Variants in PCDHGA6 observed in about 807,000 individuals in gnomAD.
PCDHGA6 encodes the protein protocadherin gamma subfamily A, 6, also known as protocadherin gamma-A6.
A neutral mutation model predicts 60.6 loss-of-function variants in PCDHGA6; 41 were observed. The ratio of observed to expected loss-of-function variants is 0.68; its 90% CI spans 0.53 to 0.88. The LOEUF is 0.88. PCDHGA6 is among the 40% of genes least tolerant of loss of function. The pLI, the probability that PCDHGA6 is intolerant of heterozygous loss-of-function variation, is 0.00. For missense variants in PCDHGA6, 1,312 were observed against 1,203.0 expected (o/e 1.09, Z -1.34); for synonymous variants, 594 against 524.4 (o/e 1.13, Z -1.81).
chr5:141,405,529 C>G, intron 1 of PCDHGA6: 1 of 654,350 alleles, frequency 1.5e-6, no homozygotes, highest in Middle Eastern at 4.2e-4. Flanking sequence ...AAGCGATTCT[C>G]CTGCCTCAGC....
chr5:141,375,521 GACGTGGACCAGA>G lies in PCDHGA6; in HGVS notation c.1442_1453del (p.Val481_Asn484del). The stretch of plus-strand genomic sequence containing the variant: ...CTTCTCTGTGAATGCACTGGACCCT[GACGTGGACCAGA>G]ACGCCCAAGTCTCCTACTCACTGGC... On this transcript the variant is annotated inframe_deletion, in exon 1 of 4. Coordinates refer to ENST00000517434, the MANE Select transcript of PCDHGA6 (RefSeq NM_018919.3). The G allele has an allele frequency of 6.2e-7, 1 of 1,613,994 alleles. No homozygotes were observed. Among genetic ancestry groups the G allele is most frequent in the Non-Finnish European group, 8.5e-7 (1 of 1,179,930 alleles).
chr5:141,431,506 G>T lies in PCDHGA6; in HGVS notation c.2424+54999G>T. 1.2e-6 allele frequency: 2 copies of T among 1,613,988 alleles called. No homozygotes were observed. Among genetic ancestry groups the T allele is most frequent in the South Asian group, 2.2e-5 (2 of 91,084 alleles). The stretch of plus-strand genomic sequence containing the variant: ...CGTTTGCTCAGCCCGAGTACCGCGC[G>T]AGCGTTCCGGAGAATCTGGCCTTGG... On this transcript the variant is annotated intron_variant, in intron 1 of 3. Coordinates refer to ENST00000517434, the MANE Select transcript of PCDHGA6 (RefSeq NM_018919.3). This position sits in a 1 kb window ranked among gnomAD's most constrained non-coding sequence, Gnocchi z 4.8.
In PCDHGA6 at chr5:141,376,178, G is replaced by A. The variant is rs1249141559; in HGVS notation, c.2095G>A (p.Ala699Thr). Residue 699 changes from alanine to threonine, a missense_variant, in exon 1 of 4, where the codon GCG becomes ACG. By Grantham distance (58) the Ala-to-Thr change is moderately conservative. Coordinates refer to ENST00000517434, the MANE Select transcript of PCDHGA6 (RefSeq NM_018919.3). ...TCTGTACCTGGTGGTGGCGGTGGCC[G>A]CGGTCTCCTGCGTCTTCCTGGCCTT... ...LTLYLVVAVA[A>T]VSCVFLAFVI... The A allele has an allele frequency of 6.2e-7, 1 of 1,614,106 alleles. No individual in the cohort carries two copies. The highest frequency in any genetic ancestry group is 8.5e-7 in the Non-Finnish European group (1 of 1,180,008).
At position 141,398,835 on chromosome 5, in the gene PCDHGA6, T is replaced by C. The variant is rs371527677; in HGVS notation, c.2424+22328T>C. The C allele has an allele frequency of 2.0e-5, 33 of 1,613,914 alleles. No homozygotes were observed. In the African/African-American group the frequency reaches 3.7e-4, roughly 18 times the overall value. ...TCCGGATCCAGGTAACCGACGCCAA[T>C]GATAATCCCCCGGTATTCAACCGAG... On this transcript the variant is annotated intron_variant, in intron 1 of 3. Transcript: ENST00000517434.
rs756094875 is a variant in PCDHGA6 at position 141,419,594 on chromosome 5, C to T, written c.2424+43087C>T. 2.6e-5 allele frequency: 42 copies of T among 1,611,572 alleles called. No homozygotes were observed. Among genetic ancestry groups the T allele is most frequent in the Admixed American group, 3.3e-5 (2 of 59,964 alleles). ...CGGCTCCGCGCTCTTCGACACAGTG[C>T]CGCGGGCCGCGCAGCCAGGCTACCT... On this transcript the variant is annotated intron_variant, in intron 1 of 3. Transcript: ENST00000517434.
At chr5:141,433,849 A>AC (rs1304649814) in intron 1 of PCDHGA6, among the ~76,000 whole-genome samples, 10 of 152,030 alleles carry the variant, frequency 6.6e-5, no homozygotes, top group Admixed American at 1.3e-4. Flanking sequence ...AAAAAAAAAA[A>AC]AAAAAACTTT....
rs140088812 is a variant in PCDHGA6, at chr5:141,489,695, T to C, written c.2425-5112T>C. The C allele has an allele frequency of 6.2e-7, 1 of 1,614,088 alleles. No homozygotes were observed. The highest frequency in any genetic ancestry group is 1.3e-5 in the African/African-American group (1 of 75,026). On this transcript the variant is annotated intron_variant, in intron 1 of 3. Transcript: ENST00000517434. This position sits in a 1 kb window ranked among gnomAD's most constrained non-coding sequence, Gnocchi z 4.5. ...GAATCAGCAGCATCTGGGGCACGAT[T>C]CCCACTGGACAGTGCCCAGGATCCG...
intron 1 of PCDHGA6, among the ~76,000 whole-genome samples, chr5:141,472,980 C>CA (rs60579131): frequency 0.042 from 3,623 of 85,966 alleles, 71 homozygotes; most frequent in South Asian, 0.079. Context: ...GAGTGAAACT[C>CA]AAAAAAAAAA....
rs770808281 is a variant in PCDHGA6, at chr5:141,375,056, C to T, written c.973C>T (p.Pro325Ser). The T allele has an allele frequency of 1.9e-6, 3 of 1,613,848 alleles. No individual in the cohort carries two copies. The East Asian group carries it at 6.7e-5, about 36-fold the overall frequency. Residue 325 changes from proline to serine, a missense_variant, in exon 1 of 4, where the codon CCA becomes TCA. Transcript: ENST00000517434. ...GCTGGGTGTTGAAGCCCGGGATGGG[C>T]CAGGTCTTCGAGACAGAGCGAAAGT... ...YELGVEARDG[P>S]GLRDRAKVLI...
At chr5:141,415,095 C>T (rs1045755927) in intron 1 of PCDHGA6, 1 of 1,613,584 alleles carries the variant, frequency 6.2e-7, no homozygotes, top group Non-Finnish European at 8.5e-7. Context: ...TGGACAGAGA[C>T]GCGCTCAAGC....
At chr5:141,480,298 C>T (rs1238380283) in intron 1 of PCDHGA6, among the ~76,000 whole-genome samples, 1 of 132,676 alleles carries the variant, frequency 7.5e-6, no homozygotes, top group Non-Finnish European at 1.6e-5. Flanking sequence ...ACCTGTGGTA[C>T]CAGCTACTTG....
chr5:141,489,088 G>GCCAA lies in PCDHGA6; in HGVS notation c.2425-5719_2425-5718insCCAA. The GCCAA allele has an allele frequency of 2.9e-6, 1 of 347,240 alleles. No individual in the cohort carries two copies. Among genetic ancestry groups the GCCAA allele is most frequent in the Non-Finnish European group, 5.0e-6 (1 of 200,708 alleles). The allele number at this position is 347,240 out of a possible 1,614,324, so 21.5% of individuals were successfully genotyped here. A position where few individuals can be genotyped will look rare whatever the true frequency, so the allele number is the denominator to read the frequency against. ...CCCCTGCCCACCCCCGCCACTCGGT[G>GCCAA]ACTAAGAACTGCTGCAAGCAGGCAA... On this transcript the variant is annotated intron_variant, in intron 1 of 3. Transcript: ENST00000517434. This position sits in a 1 kb window ranked among gnomAD's most constrained non-coding sequence, Gnocchi z 4.5.
At chr5:141,478,519 G>T (rs778194073) in intron 1 of PCDHGA6, 19 of 1,610,728 alleles carry the variant, frequency 1.2e-5, no homozygotes, top group Non-Finnish European at 1.6e-5. Flanking sequence ...GGCAGGTGTT[G>T]GGTGCAGAGA....
At chr5:141,389,463 GA>G in intron 1 of PCDHGA6, 1 of 1,613,310 alleles carries the variant, frequency 6.2e-7, no homozygotes, top group Non-Finnish European at 8.5e-7. Context: ...GCGCGCCTTC[GA>G]ACTCACACTG....
intron 1 of PCDHGA6, chr5:141,408,969 C>T (rs1005367761): frequency 3.7e-6 from 6 of 1,613,594 alleles, no homozygotes; most frequent in Non-Finnish European, 5.1e-6. Context: ...GAAAATCTGC[C>T]CCCTGGGTCC....
chr5:141,478,409 G>A, intron 1 of PCDHGA6: 1 of 1,613,016 alleles, frequency 6.2e-7, no homozygotes, highest in South Asian at 1.1e-5. Flanking sequence ...TCTCACCACG[G>A]ACTCCCGCCG....
intron 1 of PCDHGA6, chr5:141,399,892 G>T: frequency 1.2e-6 from 2 of 1,612,554 alleles, no homozygotes; most frequent in Non-Finnish European, 1.7e-6. Flanking sequence ...CAAGGTAGTG[G>T]CCGTGGACGC....
chr5:141,506,207 TTGGGAAGCTGAG>T (rs1487107822), intron 3 of PCDHGA6, among the ~76,000 whole-genome samples: 1 of 152,020 alleles, frequency 6.6e-6, no homozygotes, highest in Non-Finnish European at 1.5e-5. Flanking sequence ...TCCCAGCACT[TTGGGAAGCTGAG>T]GCAGGAGGAT....
rs201391904 is a variant in PCDHGA6, at chr5:141,494,843, G to A, written c.2461G>A (p.Ala821Thr). Residue 821 changes from alanine to threonine, a missense_variant, in exon 2 of 4, where the codon GCC becomes ACC. Transcript: ENST00000517434. ...PPNTDWRFSQ[A>T]QRPGTSGSQN... is the part of the protein sequence containing the mutation. ...CAACACGGACTGGCGTTTCTCTCAG[G>A]CCCAGAGACCCGGCACCAGCGGGTA... 1.9e-6 allele frequency: 3 copies of A among 1,614,088 alleles called. No homozygotes were observed. Among genetic ancestry groups the A allele is most frequent in the Admixed American group, 3.3e-5 (2 of 60,008 alleles).
Sources: allele counts gnomAD v4.1 joint callset (sites outside exome capture counted in the v4.1 genomes callset), GRCh38; gene constraint gnomAD v4.1.1; non-coding constraint Gnocchi (gnomAD v3.1); transcripts MANE v1.5; gene names NCBI Gene and HGNC (gene_info 2026-07-23, HGNC 2026-07-21).